MARK1: variants seen among roughly 807,000 people sequenced by gnomAD.
MARK1 encodes microtubule affinity regulating kinase 1.
A neutral mutation model predicts 96.3 loss-of-function variants in MARK1; 40 were observed. That is an observed-to-expected ratio of 0.42 (90% CI 0.32 to 0.54). The LOEUF (loss-of-function observed/expected upper bound fraction) is 0.54, where lower values mean the gene tolerates loss of function less well. Ranked by LOEUF, MARK1 falls within the 20% of genes least tolerant of loss-of-function variation. The pLI is 0.16. For synonymous variants in MARK1, 317 were observed against 341.2 expected (o/e 0.93, Z 0.78); for missense variants, 719 against 984.6 (o/e 0.73, Z 3.61).
Position 220,599,302 on chromosome 1 carries a change from G to A in MARK1, c.359-496G>A, listed in dbSNP as rs557163989. 1.9e-4 allele frequency among the ~76,000 whole-genome samples: 29 copies of A among 151,920 alleles called. 1 individual carries two copies. Among genetic ancestry groups the A allele is most frequent in the African/African-American group, 7.0e-4 (29 of 41,450 alleles). Reference sequence around the variant, plus strand: ...CATTTAAAAATCTTATCTGTATATAGTTGTTAAAGTATTTATTTGTGGTGA... The same window carrying A: ...CATTTAAAAATCTTATCTGTATATAATTGTTAAAGTATTTATTTGTGGTGA... On this transcript the variant is annotated intron_variant, in intron 4 of 17. Coordinates refer to ENST00000366917, the MANE Select transcript of MARK1 (RefSeq NM_018650.5).
At chr1:220,540,682 A>G (rs150834971) in intron 1 of MARK1, among the ~76,000 whole-genome samples, 1 of 151,734 alleles carries the variant, frequency 6.6e-6, no homozygotes, top group African/African-American at 2.4e-5. Flanking sequence ...CATCAGTTGT[A>G]TTATTTCCTC....
chr1:220,532,758 C>A (rs548002923), intron 1 of MARK1, among the ~76,000 whole-genome samples: 1 of 152,176 alleles, frequency 6.6e-6, no homozygotes, highest in South Asian at 2.1e-4. Flanking sequence ...CTAATCCCAG[C>A]ACTTTGTGGG....
At chr1:220,594,592 G>T (rs1344075979) in intron 3 of MARK1, among the ~76,000 whole-genome samples, 1 of 152,172 alleles carries the variant, frequency 6.6e-6, no homozygotes, top group Non-Finnish European at 1.5e-5. Flanking sequence ...AGCAGCTTTA[G>T]TCATAATGGT....
rs375126934 is a variant in MARK1 at position 220,581,875 on chromosome 1, T to C, written c.309+757T>C. Among the ~76,000 whole-genome samples the C allele has an allele frequency of 1.0e-3, 158 of 152,306 alleles. 6 individuals carry two copies. The South Asian group carries it at 0.031, about 30-fold the overall frequency. On this transcript the variant is annotated intron_variant, in intron 3 of 17. Transcript: ENST00000366917. ...TTCTCAGATGCACATTTTAGTACTT[T>C]AAAAATGAAGCAAATGTTTTAACAT...
chr1:220,549,539 A>C (rs528326295), intron 1 of MARK1, among the ~76,000 whole-genome samples: 1 of 152,230 alleles, frequency 6.6e-6, no homozygotes, highest in African/African-American at 2.4e-5. Flanking sequence ...AAAGTATTAC[A>C]TTTACAACAT....
intron 13 of MARK1, among the ~76,000 whole-genome samples, chr1:220,639,776 A>C (rs901203398): frequency 2.0e-5 from 3 of 152,210 alleles, no homozygotes; most frequent in African/African-American, 7.2e-5. Flanking sequence ...GAATATATAC[A>C]TTTAAATTTT....
At chr1:220,593,397 T>C (rs1001508374) in intron 3 of MARK1, among the ~76,000 whole-genome samples, 4 of 152,186 alleles carry the variant, frequency 2.6e-5, no homozygotes, top group African/African-American at 9.7e-5. Context: ...CTACCGTATT[T>C]GACTTGACTT....
In MARK1 at chr1:220,579,371, A is replaced by C. The variant is rs759166971; in HGVS notation, c.69A>C (p.Gly23=). Residue 23 remains glycine (G), a synonymous_variant, in exon 2 of 18, where the codon GGA becomes GGC. Coordinates refer to ENST00000366917, the MANE Select transcript of MARK1 (RefSeq NM_018650.5). ...RDTENHTSVD[G]YTEPHIQPTK... is the part of the protein sequence containing the mutation. ...TTTCTTAGCATACATCTGTGGATGG[A>C]TATACTGAACCACACATCCAGCCTA... 2 of 1,613,790 alleles carry C rather than the reference A, an allele frequency of 1.2e-6. No individual in the cohort carries two copies. The highest frequency in any genetic ancestry group is 1.7e-6 in the Non-Finnish European group (2 of 1,179,722).
chr1:220,627,382 AGAG>A (rs1667406324), intron 9 of MARK1: 1 of 483,236 alleles, frequency 2.1e-6, no homozygotes. Flanking sequence ...AAGTCACAGA[AGAG>A]GAGAAAACCA....
In MARK1 at chr1:220,593,940, C is replaced by A. The variant is rs537248427; in HGVS notation, c.310-4391C>A. 9.9e-5 allele frequency among the ~76,000 whole-genome samples: 15 copies of A among 152,204 alleles called. No individual in the cohort carries two copies. In the South Asian group the frequency reaches 3.1e-3, roughly 32 times the overall value. ...ATTCTCCTCTGCTGACCTGAGGGCA[C>A]GCCACTCAGACCAAGGCCCACACCT... On this transcript the variant is annotated intron_variant, in intron 3 of 17. Transcript: ENST00000366917.
chr1:220,635,580 T>A, intron 12 of MARK1, 51 bp downstream of exon 12: 9 of 1,566,682 alleles, frequency 5.7e-6, no homozygotes, highest in Non-Finnish European at 7.8e-6. Context: ...CTTCCCAAAT[T>A]TGTGTTTTTA....
chr1:220,530,676 CAA>C (rs777284732), intron 1 of MARK1, among the ~76,000 whole-genome samples: 5 of 152,116 alleles, frequency 3.3e-5, no homozygotes, highest in East Asian at 3.9e-4. Flanking sequence ...TAAGAACACA[CAA>C]AAAAGGATTT....
At chr1:220,570,324 T>TA (rs1663354474) in intron 1 of MARK1, among the ~76,000 whole-genome samples, 1 of 152,124 alleles carries the variant, frequency 6.6e-6, no homozygotes, top group South Asian at 2.1e-4. Flanking sequence ...TCCTGTCTCT[T>TA]ACAACTTTTT....
At chr1:220,542,870 T>G (rs1037828462) in intron 1 of MARK1, among the ~76,000 whole-genome samples, 7 of 152,244 alleles carry the variant, frequency 4.6e-5, no homozygotes, top group African/African-American at 1.7e-4. Flanking sequence ...TAAATGGGTC[T>G]TCAGAAATTT....
At chr1:220,545,797 T>C (rs1029300151) in intron 1 of MARK1, among the ~76,000 whole-genome samples, 1 of 152,100 alleles carries the variant, frequency 6.6e-6, no homozygotes, top group Non-Finnish European at 1.5e-5. Context: ...GAGAGAAAGG[T>C]TTGGTAAAGG....
At chr1:220,604,534 TA>T (rs894575892) in intron 6 of MARK1, among the ~76,000 whole-genome samples, 10 of 152,016 alleles carry the variant, frequency 6.6e-5, no homozygotes, top group African/African-American at 1.4e-4. Flanking sequence ...TATTGTATTA[TA>T]TTTTTTTAAT....
At position 220,585,988 on chromosome 1, in the gene MARK1, C is replaced by CAG. The variant is rs1239742854; in HGVS notation, c.309+4871_309+4872insGA. Among the ~76,000 whole-genome samples, 5 of 15,648 alleles carry CAG rather than the reference C, an allele frequency of 3.2e-4. No individual in the cohort carries two copies. In the Non-Finnish European group the frequency reaches 5.3e-3, roughly 17 times the overall value. 10.3% of individuals were successfully genotyped at this position (15,648 alleles called of 152,430 possible). The stretch of plus-strand genomic sequence containing the variant: ...TGCATCCACTTTACATACGTATACA[C>CAG]ACACACACACACACACACACACACG... On this transcript the variant is annotated intron_variant, in intron 3 of 17. Transcript: ENST00000366917.
intron 1 of MARK1, among the ~76,000 whole-genome samples, chr1:220,542,051 C>T (rs946591083): frequency 1.3e-5 from 2 of 152,060 alleles, no homozygotes; most frequent in South Asian, 4.2e-4. Flanking sequence ...AAAACCAGTC[C>T]CTCTGGCAGT....
chr1:220,562,631 G>C (rs978680480), intron 1 of MARK1, among the ~76,000 whole-genome samples: 1 of 152,028 alleles, frequency 6.6e-6, no homozygotes, highest in Non-Finnish European at 1.5e-5. Context: ...GTAACATTTT[G>C]TATAGTTGTC....
Sources: allele counts gnomAD v4.1 joint callset (sites outside exome capture counted in the v4.1 genomes callset), GRCh38; gene constraint gnomAD v4.1.1; transcripts MANE v1.5; gene names NCBI Gene and HGNC (gene_info 2026-07-23, HGNC 2026-07-21).